Variants in GCN1 observed in about 807,000 individuals in gnomAD.
GCN1 encodes stalled ribosome sensor GCN1.
A neutral mutation model predicts 288.4 loss-of-function variants in GCN1; 90 were observed. That is an observed-to-expected ratio of 0.31 (90% CI 0.26 to 0.37). GCN1 has a LOEUF of 0.37. Among genes scored for constraint, GCN1 ranks in the 10% least tolerant of loss-of-function variants. The pLI is 1.00. For missense variants in GCN1, 2,586 were observed against 3,419.9 expected (o/e 0.76, Z 6.08); for synonymous variants, 1,386 against 1,420.2 (o/e 0.98, Z 0.54).
intron 5 of GCN1, among the ~76,000 whole-genome samples, chr12:120,182,838 G>A (rs1209963272): frequency 2.0e-5 from 3 of 151,660 alleles, no homozygotes; most frequent in Admixed American, 1.3e-4. Flanking sequence ...CACTCGGGAG[G>A]CTGAGGCAAG....
chr12:120,173,205 C>T (rs764870855), intron 14 of GCN1, among the ~76,000 whole-genome samples: 8 of 152,024 alleles, frequency 5.3e-5, no homozygotes, highest in South Asian at 2.1e-4. Flanking sequence ...TACAGGTGCC[C>T]GCCACCATGC....
At position 120,134,561 on chromosome 12, in the gene GCN1, T is replaced by C. The variant is rs1049810185; in HGVS notation, c.7174A>G (p.Ile2392Val). 1.2e-6 allele frequency: 2 copies of C among 1,613,988 alleles called. No individual in the cohort carries two copies. The highest frequency in any genetic ancestry group is 1.7e-6 in the Non-Finnish European group (2 of 1,179,978). ...ACACCTGGGTCCTCCATGGCGCGGA[T>C]GCCATTGAGCAGCTCTGTGAAGAGG... ...DPLFTELLNG[I>V]RAMEDPGVRD... Residue 2392 changes from isoleucine to valine, a missense_variant, in exon 52 of 58, where the codon ATC becomes GTC. This residue lies in a region of GCN1 where 355 missense variants were observed against 431.1 expected (regional missense o/e 0.82). Transcript: ENST00000300648. The surrounding 1 kb of genome is among the most constrained non-coding windows in gnomAD (Gnocchi z 5.0).
chr12:120,129,599 C>A, intron 56 of GCN1, 105 bp from the exon 57 acceptor site: 5 of 834,122 alleles, frequency 6.0e-6, no homozygotes, highest in South Asian at 3.0e-5. Flanking sequence ...TGAACACTGA[C>A]CCCCCCTGCT....
Position 120,154,966 on chromosome 12 carries a change from A to G in GCN1, c.3701+4T>C, listed in dbSNP as rs751778561. ...AGTAGAACGAGGCTGAACAATTGTT[A>G]TACCTGGCTTCCCACTGATCTGGAG... On this transcript the variant is annotated splice_donor_region_variant and intron_variant, in intron 31 of 57. Transcript: ENST00000300648. The G allele has an allele frequency of 5.6e-6, 9 of 1,611,066 alleles. No individual in the cohort carries two copies. The Admixed American group carries it at 1.5e-4, about 27-fold the overall frequency.
chr12:120,155,000 G>A lies in GCN1; in HGVS notation c.3671C>T (p.Ser1224Leu). The change falls in exon 31 of 58, where the codon TCA becomes TTA. Residue 1224 changes from serine to leucine, a missense_variant. Physicochemically the swap from Ser to Leu is moderately radical, Grantham distance 145 (BLOSUM62 -2). Coordinates refer to ENST00000300648, the MANE Select transcript of GCN1 (RefSeq NM_006836.2). ...TTCCCACTGATCTGGAGGAGATTCT[G>A]AAATAACTCGTCCCAAAGCATCCAG... Reference protein sequence around the residue: ...PVLDALGRVISESPPDQWEAR... With the variant: ...PVLDALGRVILESPPDQWEAR... 1 of 1,613,986 alleles carries A rather than the reference G, an allele frequency of 6.2e-7. No individual in the cohort carries two copies. Among genetic ancestry groups the A allele is most frequent in the Non-Finnish European group, 8.5e-7 (1 of 1,179,820 alleles).
chr12:120,172,393 G>T (rs1050674433), intron 14 of GCN1, among the ~76,000 whole-genome samples: 1 of 152,136 alleles, frequency 6.6e-6, no homozygotes, highest in Admixed American at 6.5e-5. Flanking sequence ...AATCTCTTAT[G>T]GTCAGATTCT....
rs1471423960 is a variant in GCN1 at position 120,162,013 on chromosome 12, G to A, written c.2209C>T (p.Arg737Trp). The change falls in exon 21 of 58, where the codon CGG (arginine) becomes TGG (tryptophan). Residue 737 changes from arginine to tryptophan, a missense_variant. Arg to Trp is a moderately radical substitution (Grantham distance 101). Around this residue, in one of 8 missense-constraint regions of GCN1, gnomAD observed 913 missense variants for 1,107.0 expected, o/e 0.82. Coordinates refer to ENST00000300648, the MANE Select transcript of GCN1 (RefSeq NM_006836.2). ...MGSLSVLSPD[R>W]VLPQLISTIT... The stretch of plus-strand genomic sequence containing the variant: ...GTGCTGATGAGCTGTGGGAGGACCC[G>A]GTCCGGCGACAGGACGGAAAGGGAG... The A allele has an allele frequency of 1.2e-6, 2 of 1,613,680 alleles. No individual in the cohort carries two copies. The highest frequency in any genetic ancestry group is 1.3e-5 in the African/African-American group (1 of 75,044).
intron 12 of GCN1, among the ~76,000 whole-genome samples, chr12:120,174,789 CAAAAA>C (rs1212428710): frequency 3.3e-5 from 1 of 30,400 alleles, no homozygotes; most frequent in Admixed American, 3.6e-4. Context: ...GACTCCATCT[CAAAAA>C]AAAAAAAAAA....
intron 45 of GCN1, 38 bp downstream of exon 45, chr12:120,140,821 G>A: frequency 6.3e-7 from 1 of 1,595,322 alleles, no homozygotes; most frequent in South Asian, 1.1e-5. Context: ...CAGGTCGTCT[G>A]CAGTGCACAG....
At position 120,156,886 on chromosome 12, in the gene GCN1, C is replaced by G; in HGVS notation, c.3168+26G>C. The G allele has an allele frequency of 2.0e-6, 3 of 1,503,290 alleles. No homozygotes were observed. Among genetic ancestry groups the G allele is most frequent in the Non-Finnish European group, 2.8e-6 (3 of 1,078,842 alleles). 93.1% of individuals were successfully genotyped at this position (1,503,290 alleles called of 1,614,324 possible). A position where few individuals can be genotyped will look rare whatever the true frequency, so the allele number is the denominator to read the frequency against. On this transcript the variant is annotated intron_variant, in intron 27 of 57. Coordinates refer to ENST00000300648, the MANE Select transcript of GCN1 (RefSeq NM_006836.2). This position sits in a 1 kb window ranked among gnomAD's most constrained non-coding sequence, Gnocchi z 5.8. ...GTCTGGGTCACGAACTGAGTCACAGCAACAGCCAACTGAAAACCACATCAC... is the reference window on the plus strand; with the variant it reads ...GTCTGGGTCACGAACTGAGTCACAGGAACAGCCAACTGAAAACCACATCAC...
chr12:120,143,622 G>A (rs1009829548), intron 42 of GCN1, among the ~76,000 whole-genome samples: 16 of 151,304 alleles, frequency 1.1e-4, no homozygotes, highest in African/African-American at 2.9e-4. Flanking sequence ...GTATGAATGT[G>A]CTATATTTTT....
intron 9 of GCN1, among the ~76,000 whole-genome samples, chr12:120,177,014 C>A (rs1038352748): frequency 6.6e-6 from 1 of 152,202 alleles, no homozygotes; most frequent in Non-Finnish European, 1.5e-5. Context: ...GATCTACCTG[C>A]CTCAGCCTCC....
intron 57 of GCN1, among the ~76,000 whole-genome samples, chr12:120,128,806 T>C (rs1429737429): frequency 2.6e-5 from 4 of 151,882 alleles, no homozygotes; most frequent in East Asian, 3.9e-4. Context: ...TGGGAATGTA[T>C]GTTTTCAGGT....
Position 120,153,301 on chromosome 12 carries a change from G to C in GCN1, c.3974C>G (p.Ser1325Cys). The change falls in exon 33 of 58, where the codon TCT becomes TGT. Residue 1325 changes from serine (S) to cysteine (C), a missense_variant. Physicochemically the swap from Ser to Cys is moderately radical, Grantham distance 112 (BLOSUM62 -1). This residue lies in a region of GCN1 where 332 missense variants were observed against 403.0 expected (regional missense o/e 0.82). Transcript: ENST00000300648. The surrounding 1 kb of genome is among the most constrained non-coding windows in gnomAD (Gnocchi z 4.4). ...VRQSVVVLMG[S>C]LAKHLDKSDP... ...ACTCTTGTCCAGGTGCTTGGCCAGAGAGCCCATCAGGACCACCACACTCTG... is the reference window on the plus strand; with the variant it reads ...ACTCTTGTCCAGGTGCTTGGCCAGACAGCCCATCAGGACCACCACACTCTG... 2 of 1,614,202 alleles carry C rather than the reference G, an allele frequency of 1.2e-6. No homozygotes were observed.
At chr12:120,166,366 T>G (rs1878124215) in intron 16 of GCN1, among the ~76,000 whole-genome samples, 1 of 133,246 alleles carries the variant, frequency 7.5e-6, no homozygotes, top group Non-Finnish European at 1.5e-5. Flanking sequence ...ATTGCACCAC[T>G]GCACTCCAGC....
intron 5 of GCN1, among the ~76,000 whole-genome samples, chr12:120,179,382 C>T (rs1305544556): frequency 6.6e-6 from 1 of 151,134 alleles, no homozygotes; most frequent in African/African-American, 2.4e-5. Context: ...AGGTGCGTGC[C>T]ACCATGCCCA....
chr12:120,170,468 A>G (rs766324481), intron 14 of GCN1, 147 bp from the exon 15 acceptor site: 2 of 706,962 alleles, frequency 2.8e-6, no homozygotes, highest in Non-Finnish European at 4.7e-6. Context: ...GTGAAGTGAA[A>G]TCAAAACTTA....
At chr12:120,189,639 T>A (rs1878940507) in intron 2 of GCN1, among the ~76,000 whole-genome samples, 1 of 151,324 alleles carries the variant, frequency 6.6e-6, no homozygotes, top group South Asian at 2.1e-4. Flanking sequence ...AGTGCTGGGA[T>A]TACAGGCGTG....
intron 53 of GCN1, among the ~76,000 whole-genome samples, chr12:120,133,221 G>A (rs1387024448): frequency 6.6e-6 from 1 of 152,116 alleles, no homozygotes; most frequent in African/African-American, 2.4e-5. Flanking sequence ...GTGTGTGTGT[G>A]TCAATGACGT....
Sources: gnomAD v4.1 joint callset for allele counts (sites outside exome capture counted in the v4.1 genomes callset) on GRCh38, gnomAD v4.1.1 for gene constraint, gnomAD v4.1.1 regional missense constraint, Gnocchi (gnomAD v3.1) non-coding constraint, MANE v1.5 for transcripts, NCBI Gene and HGNC (gene_info 2026-07-23, HGNC 2026-07-21) for gene names.